GFRA2: variants seen among roughly 807,000 people sequenced by gnomAD.
GFRA2 encodes GDNF family receptor alpha 2.
In GFRA2, 17 loss-of-function variants were observed where a neutral mutation model predicts 48.3. The ratio of observed to expected loss-of-function variants is 0.35; its 90% CI spans 0.24 to 0.53. The LOEUF is 0.53. Ranked by LOEUF, GFRA2 falls within the 20% of genes least tolerant of loss-of-function variation. The pLI, the probability that GFRA2 is intolerant of heterozygous loss-of-function variation, is 0.93. For missense variants in GFRA2, 660 were observed against 637.3 expected, an observed-to-expected ratio of 1.04 and a Z score of -0.38; for synonymous variants, 305 against 257.2, an observed-to-expected ratio of 1.19 and a Z score of -1.78.
upstream of GFRA2, among the ~76,000 whole-genome samples, chr8:21,793,742 C>T (rs1807618871): frequency 6.6e-6 from 1 of 152,012 alleles, no homozygotes; most frequent in Non-Finnish European, 1.5e-5. Flanking sequence ...TGCCTTGTAT[C>T]GGACAAGAAA....
chr8:21,723,937 A>C lies in GFRA2; in HGVS notation c.795-17896T>G, dbSNP rs988017058. On this transcript the variant is annotated intron_variant, in intron 4 of 8. Coordinates refer to ENST00000524240, the MANE Select transcript of GFRA2 (RefSeq NM_001495.5). Reference sequence around the variant, plus strand: ...GTGGCAGAAGACAGAGGCTGACTCAACAGACAAGCCCCAGGGAAGGAAATC... The same window carrying C: ...GTGGCAGAAGACAGAGGCTGACTCACCAGACAAGCCCCAGGGAAGGAAATC... Among the ~76,000 whole-genome samples the C allele has an allele frequency of 7.9e-5, 12 of 152,324 alleles. No homozygotes were observed. In the East Asian group the frequency reaches 2.3e-3, roughly 29 times the overall value.
chr8:21,809,135 G>T (rs568320872), intron 1 of GFRA2, among the ~76,000 whole-genome samples: 1 of 152,230 alleles, frequency 6.6e-6, no homozygotes, highest in East Asian at 1.9e-4. Flanking sequence ...CCAACATCAC[G>T]CAAGGAGTAA....
At position 21,785,266 on chromosome 8, in the gene GFRA2, G is replaced by A. The variant is rs377325532; in HGVS notation, c.41-2367C>T. Among the ~76,000 whole-genome samples the A allele has an allele frequency of 3.3e-3, 500 of 152,250 alleles. 4 individuals are homozygous for A. The highest frequency in any genetic ancestry group is 0.011 in the African/African-American group (463 of 41,550). On this transcript the variant is annotated intron_variant, in intron 1 of 8. Coordinates refer to ENST00000524240, the MANE Select transcript of GFRA2 (RefSeq NM_001495.5). ...CTTACACAATCTTAGGGAGGCTCCC[G>A]TGCCAGAACTGAGGGCTTCCCCCAT...
In GFRA2 at chr8:21,710,065, G is replaced by A. The variant is rs145623038; in HGVS notation, c.795-4024C>T. 1.4e-3 allele frequency among the ~76,000 whole-genome samples: 210 copies of A among 152,326 alleles called. 2 individuals are homozygous for A. Among genetic ancestry groups the A allele is most frequent in the African/African-American group, 4.9e-3 (202 of 41,582 alleles). On this transcript the variant is annotated intron_variant, in intron 4 of 8. Transcript: ENST00000524240. ...CTGGCCAGAGGGACTCCTCAGGGAA[G>A]AGGGGAGGGGCAGACCCAGCCACTG... is the stretch of plus-strand genomic sequence containing the variant.
chr8:21,802,472 A>G (rs1013006578), intron 2 of GFRA2, among the ~76,000 whole-genome samples: 1 of 152,070 alleles, frequency 6.6e-6, no homozygotes, highest in Non-Finnish European at 1.5e-5. Flanking sequence ...CTCCCACCTC[A>G]GCTTCCCAAG....
Position 21,782,590 on chromosome 8 carries a change from G to A in GFRA2, c.350C>T (p.Thr117Ile). 1 of 1,571,920 alleles carries A rather than the reference G, an allele frequency of 6.4e-7. No homozygotes were observed. Among genetic ancestry groups the A allele is most frequent in the African/African-American group, 1.4e-5 (1 of 73,890 alleles). The change falls in exon 2 of 9, where the codon ACC (threonine) becomes ATC (isoleucine). Residue 117 changes from threonine to isoleucine, a missense_variant. Thr to Ile is a moderately conservative substitution (Grantham distance 89). Coordinates refer to ENST00000524240, the MANE Select transcript of GFRA2 (RefSeq NM_001495.5). ...CAAGCCCCGCCCAGGCTTACCCTCG[G>A]TCAGCCCCAGGTGGATGCTCCAGTA... The part of the protein sequence containing the change: ...QIYWSIHLGL[T>I]EGEEFYEASP...
chr8:21,739,277 G>A (rs1563239216), intron 4 of GFRA2, among the ~76,000 whole-genome samples: 1 of 152,104 alleles, frequency 6.6e-6, no homozygotes, highest in Non-Finnish European at 1.5e-5. Context: ...GTGATCTGAT[G>A]TGCCCACTCA....
Position 21,693,349 on chromosome 8 carries a change from C to G in GFRA2, c.1324G>C (p.Gly442Arg). ...GCCGACGGTCTGGCTCTGCTGGGGC[C>G]TGAGTTAGGTTTGATCACCTTGTTA... The part of the protein sequence containing the change: ...GSNKVIKPNS[G>R]PSRARPSAAL... Residue 442 changes from glycine (G) to arginine (R), a missense_variant, in exon 9 of 9, where the codon GGC becomes CGC. Physicochemically the swap from Gly to Arg is moderately radical, Grantham distance 125. Transcript: ENST00000524240. 6.2e-7 allele frequency: 1 copy of G among 1,613,346 alleles called. No homozygotes were observed. The highest frequency in any genetic ancestry group is 8.5e-7 in the Non-Finnish European group (1 of 1,179,580).
At chr8:21,798,349 A>G (rs942937095) in intron 2 of GFRA2, among the ~76,000 whole-genome samples, 34 of 152,296 alleles carry the variant, frequency 2.2e-4, no homozygotes, top group African/African-American at 7.9e-4. Context: ...TTCCTAGTGG[A>G]AAGAAAGAAA....
intron 4 of GFRA2, among the ~76,000 whole-genome samples, chr8:21,745,146 G>GGTGACGGACAAGGCCTGCCACGCAGT (rs1304989908): frequency 2.5e-4 from 38 of 152,354 alleles, no homozygotes; most frequent in Non-Finnish European, 7.3e-5. Flanking sequence ...ATCTCACACG[G>GGTGACGGACAAGGCCTGCCACGCAGT]GTGACGGACA....
chr8:21,796,379 A>G (rs1331135991), intron 2 of GFRA2, among the ~76,000 whole-genome samples: 1 of 152,206 alleles, frequency 6.6e-6, no homozygotes, highest in Non-Finnish European at 1.5e-5. Flanking sequence ...AGCCTTGGGG[A>G]GCCGGCTCCT....
intron 4 of GFRA2, among the ~76,000 whole-genome samples, chr8:21,707,711 G>A (rs1438311663): frequency 6.6e-6 from 1 of 152,170 alleles, no homozygotes; most frequent in Non-Finnish European, 1.5e-5. Context: ...TGAATAAAAA[G>A]TACTCTAATT....
chr8:21,803,303 C>T (rs1278077877), intron 2 of GFRA2, among the ~76,000 whole-genome samples: 2 of 152,128 alleles, frequency 1.3e-5, no homozygotes, highest in African/African-American at 2.4e-5. Flanking sequence ...ATCCCATTGG[C>T]CAGAACCAAT....
At position 21,773,372 on chromosome 8, in the gene GFRA2, C is replaced by T. The variant is rs370195716; in HGVS notation, c.439+1600G>A. Among the ~76,000 whole-genome samples the T allele has an allele frequency of 1.6e-4, 24 of 152,324 alleles. 1 individual carries two copies. In the East Asian group the frequency reaches 1.7e-3, roughly 11 times the overall value. ...CTCCATTCACCACCACCCCAACCAC[C>T]GCCAGTGCCCAAGGCCACACCCAGA... On this transcript the variant is annotated intron_variant, in intron 3 of 8. Coordinates refer to ENST00000524240, the MANE Select transcript of GFRA2 (RefSeq NM_001495.5).
intron 7 of GFRA2, among the ~76,000 whole-genome samples, chr8:21,696,462 A>C (rs1802180191): frequency 6.6e-6 from 1 of 152,202 alleles, no homozygotes; most frequent in Non-Finnish European, 1.5e-5. Context: ...AAAACAACCG[A>C]CAAGAAGGGC....
At position 21,701,190 on chromosome 8, in the gene GFRA2, C is replaced by T. The variant is rs55899892; in HGVS notation, c.1218+1615G>A. 1.5e-3 allele frequency among the ~76,000 whole-genome samples: 229 copies of T among 152,274 alleles called. 1 individual carries two copies. The highest frequency in any genetic ancestry group is 4.7e-3 in the African/African-American group (196 of 41,568). ...CGGGTGGATCACAAGCTCAGGAGATCGAGACCATCCTGGCTAACGCGGTGA... is the reference window on the plus strand; with the variant it reads ...CGGGTGGATCACAAGCTCAGGAGATTGAGACCATCCTGGCTAACGCGGTGA... On this transcript the variant is annotated intron_variant, in intron 7 of 8. Transcript: ENST00000524240.
intron 4 of GFRA2, among the ~76,000 whole-genome samples, chr8:21,739,658 C>T (rs1254965826): frequency 6.7e-6 from 1 of 149,232 alleles, no homozygotes; most frequent in African/African-American, 2.6e-5. Flanking sequence ...GGGCTGCCTC[C>T]CCCCTGGGGA....
chr8:21,725,252 G>A (rs1377659982), intron 4 of GFRA2, among the ~76,000 whole-genome samples: 1 of 152,180 alleles, frequency 6.6e-6, no homozygotes, highest in Non-Finnish European at 1.5e-5. Flanking sequence ...TGTTCTGATC[G>A]AGCTCCTGAC....
At chr8:21,763,950 AACACACACACACACAC>A (rs527247743) in intron 3 of GFRA2, among the ~76,000 whole-genome samples, 8,197 of 123,410 alleles carry the variant, frequency 0.066, 327 homozygotes, top group South Asian at 0.12. Context: ...GTCACTAGGT[AACACACACACACACAC>A]ACACACACAC....
Sources: allele counts gnomAD v4.1 joint callset (sites outside exome capture counted in the v4.1 genomes callset), GRCh38; gene constraint gnomAD v4.1.1; transcripts MANE v1.5; gene names NCBI Gene and HGNC (gene_info 2026-07-23, HGNC 2026-07-21).